RASA1: variants seen among roughly 807,000 people sequenced by gnomAD.
The protein encoded by RASA1 is RAS p21 protein activator 1.
In RASA1, 25 loss-of-function variants were observed where a neutral mutation model predicts 132.2. The observed-to-expected ratio is 0.19, with a 90% CI of 0.14 to 0.26. RASA1 has a LOEUF of 0.26. Ranked by LOEUF, RASA1 falls within the 10% of genes least tolerant of loss-of-function variation. RASA1 has a pLI of 1.00. For synonymous variants in RASA1, 477 were observed against 449.9 expected (o/e 1.06, Z -0.76); for missense variants, 964 against 1,299.2 (o/e 0.74, Z 3.97).
At chr5:87,340,410 A>ATTTTTATAGT (rs1201648710) in intron 5 of RASA1, among the ~76,000 whole-genome samples, 3 of 151,702 alleles carry the variant, frequency 2.0e-5, no homozygotes, top group African/African-American at 4.8e-5. Flanking sequence ...AATGCTATTC[A>ATTTTTATAGT]TTTTTATAGT....
In RASA1 at chr5:87,268,409, C is replaced by T. The variant is rs1184386007; in HGVS notation, c.-43C>T. On this transcript the variant is annotated 5_prime_UTR_variant, in exon 1 of 25. Transcript: ENST00000274376. ...AGCCCGGGCCTGGTGGCCCCTGGGG[C>T]TCCCGGGCGGGCAGGGTAGGGCAGA... 2 of 1,487,478 alleles carry T rather than the reference C, an allele frequency of 1.3e-6. No homozygotes were observed. The highest frequency in any genetic ancestry group is 2.8e-5 in the African/African-American group (2 of 71,422). 92.1% of individuals were successfully genotyped at this position (1,487,478 alleles called of 1,614,324 possible).
intron 16 of RASA1, 97 bp downstream of exon 16, chr5:87,376,662 C>T (rs949565989): frequency 7.0e-7 from 1 of 1,420,776 alleles, no homozygotes; most frequent in Non-Finnish European, 9.8e-7. Context: ...TAATTCATAG[C>T]TTAGTAGCAC....
intron 3 of RASA1, 132 bp from the exon 4 acceptor site, chr5:87,333,135 A>G: frequency 1.5e-6 from 2 of 1,367,994 alleles, no homozygotes; most frequent in Non-Finnish European, 2.0e-6. Context: ...TTATAGTCCA[A>G]GTAAAAATTT....
intron 1 of RASA1, among the ~76,000 whole-genome samples, chr5:87,322,476 C>G (rs1237958302): frequency 2.0e-5 from 3 of 152,212 alleles, no homozygotes; most frequent in Non-Finnish European, 4.4e-5. Context: ...TTGTCTTCCA[C>G]TAAATCAGTC....
intron 5 of RASA1, among the ~76,000 whole-genome samples, chr5:87,340,821 T>C (rs1018910900): frequency 2.0e-5 from 3 of 152,142 alleles, no homozygotes; most frequent in South Asian, 2.1e-4. Context: ...TGGTGGGAGA[T>C]TGGCAAATAG....
chr5:87,377,174 T>A, intron 17 of RASA1, 134 bp downstream of exon 17: 1 of 1,198,496 alleles, frequency 8.3e-7, no homozygotes, highest in Non-Finnish European at 1.2e-6. Flanking sequence ...TTTCCCTCCT[T>A]AAAAATTGCA....
chr5:87,380,099 G>C (rs915919177), intron 19 of RASA1, among the ~76,000 whole-genome samples: 3 of 152,122 alleles, frequency 2.0e-5, no homozygotes, highest in African/African-American at 7.2e-5. Flanking sequence ...GAGGTTTATA[G>C]TTTCAGATTT....
intron 8 of RASA1, among the ~76,000 whole-genome samples, chr5:87,351,321 C>G (rs10071944): frequency 6.6e-6 from 1 of 151,428 alleles, no homozygotes; most frequent in East Asian, 1.9e-4. Context: ...TTTATTAGTG[C>G]TCAGGTTTAT....
chr5:87,378,381 T>C lies in RASA1; in HGVS notation c.2345-15T>C, dbSNP rs767453319. Reference sequence around the variant, plus strand: ...GTCCTTTACAAATAATCTTCTAATGTAAATATTTGTGTAGATGAAGCCACT... The same window carrying C: ...GTCCTTTACAAATAATCTTCTAATGCAAATATTTGTGTAGATGAAGCCACT... On this transcript the variant is annotated splice_polypyrimidine_tract_variant and intron_variant, in intron 17 of 24. Coordinates refer to ENST00000274376, the MANE Select transcript of RASA1 (RefSeq NM_002890.3). The C allele has an allele frequency of 6.2e-7, 1 of 1,611,786 alleles. No individual in the cohort carries two copies. Among genetic ancestry groups the C allele is most frequent in the Admixed American group, 1.7e-5 (1 of 59,990 alleles).
chr5:87,309,909 T>C (rs1335657355), intron 1 of RASA1, among the ~76,000 whole-genome samples: 1 of 152,156 alleles, frequency 6.6e-6, no homozygotes, highest in Non-Finnish European at 1.5e-5. Context: ...TTTTGTGATA[T>C]GCTTTCTATT....
chr5:87,303,839 CTTTTTTTTT>C (rs755878903), intron 1 of RASA1, among the ~76,000 whole-genome samples: 1 of 130,338 alleles, frequency 7.7e-6, no homozygotes, highest in Non-Finnish European at 1.7e-5. Context: ...TACTTCTTGT[CTTTTTTTTT>C]TTTTTTTTTG....
Position 87,280,504 on chromosome 5 carries a change from G to C in RASA1, c.539+11514G>C, listed in dbSNP as rs1403547583. On this transcript the variant is annotated intron_variant, in intron 1 of 24. Coordinates refer to ENST00000274376, the MANE Select transcript of RASA1 (RefSeq NM_002890.3). ...ATTCTTGTATTTTTAGTAGAGACAG[G>C]GTTTCACCATGTTGGCCAGGCCGGT... Among the ~76,000 whole-genome samples the C allele has an allele frequency of 3.3e-5, 5 of 150,548 alleles. No individual in the cohort carries two copies. In the South Asian group the frequency reaches 1.1e-3, roughly 32 times the overall value.
chr5:87,270,235 C>T (rs1258019813), intron 1 of RASA1, among the ~76,000 whole-genome samples: 2 of 136,914 alleles, frequency 1.5e-5, no homozygotes, highest in African/African-American at 5.5e-5. Context: ...GAGCGAGACT[C>T]TGTCTCAAAA....
Position 87,376,997 on chromosome 5 carries a change from G to A in RASA1, c.2301G>A (p.Ser767=), listed in dbSNP as rs751475441. 4.3e-6 allele frequency: 7 copies of A among 1,613,620 alleles called. No homozygotes were observed. In the African/African-American group the frequency reaches 5.3e-5, roughly 12 times the overall value. ...TTTTTCTTCACGAAAAGCTTGAATC[G>A]TTGTTGTTATGCACACTAAATGACA... is the stretch of plus-strand genomic sequence containing the variant. ...LRIFLHEKLE[S]LLLCTLNDRE... is the part of the protein sequence containing the mutation. The change falls in exon 17 of 25, where the codon TCG becomes TCA. Residue 767 remains serine (S), a synonymous_variant. Transcript: ENST00000274376.
chr5:87,322,486 C>G (rs1756899222), intron 1 of RASA1, among the ~76,000 whole-genome samples: 1 of 152,194 alleles, frequency 6.6e-6, no homozygotes, highest in African/African-American at 2.4e-5. Context: ...CTAAATCAGT[C>G]AGTCCCTGGT....
chr5:87,388,137 T>C (rs1762193492), intron 23 of RASA1, among the ~76,000 whole-genome samples: 1 of 152,226 alleles, frequency 6.6e-6, no homozygotes, highest in Non-Finnish European at 1.5e-5. Flanking sequence ...TCTGTGTTGC[T>C]ATGATTACTT....
intron 15 of RASA1, among the ~76,000 whole-genome samples, chr5:87,375,781 T>C (rs914853087): frequency 1.3e-5 from 2 of 152,160 alleles, no homozygotes; most frequent in African/African-American, 2.4e-5. Flanking sequence ...AACTCAGGCT[T>C]AGGGAAGGAA....
intron 13 of RASA1, among the ~76,000 whole-genome samples, chr5:87,373,565 G>C (rs1258822923): frequency 1.3e-5 from 2 of 152,072 alleles, no homozygotes; most frequent in African/African-American, 2.4e-5. Flanking sequence ...GGACGGATTT[G>C]TGCAAGGCCA....
At chr5:87,327,036 T>A (rs1316553377) in intron 1 of RASA1, among the ~76,000 whole-genome samples, 1 of 152,232 alleles carries the variant, frequency 6.6e-6, no homozygotes, top group African/African-American at 2.4e-5. Flanking sequence ...CAGTCCCATA[T>A]CCTTTGAGTA....
Sources: allele counts gnomAD v4.1 joint callset (sites outside exome capture counted in the v4.1 genomes callset), GRCh38; gene constraint gnomAD v4.1.1; transcripts MANE v1.5; gene names NCBI Gene and HGNC (gene_info 2026-07-23, HGNC 2026-07-21).